Variants in CMSS1 observed in about 807,000 individuals in gnomAD.
The protein encoded by CMSS1 is cms1 ribosomal small subunit homolog.
Under a neutral mutation model 43.5 loss-of-function variants are expected in CMSS1, and 33 were observed. The observed-to-expected ratio is 0.76, with a 90% CI of 0.57 to 1.01. The LOEUF (loss-of-function observed/expected upper bound fraction) is 1.01. Among genes scored for constraint, CMSS1 ranks in the 50% least tolerant of loss-of-function variants. The probability of loss-of-function intolerance (pLI) is 0.00; values close to 1 mark genes in which losing one functional copy is unlikely to be tolerated. For missense variants in CMSS1, 313 were observed against 326.4 expected (o/e 0.96, Z 0.32); for synonymous variants, 115 against 117.2 (o/e 0.98, Z 0.12).
chr3:100,034,564 T>C (rs978096580), intron 1 of CMSS1, among the ~76,000 whole-genome samples: 9 of 152,212 alleles, frequency 5.9e-5, no homozygotes, highest in African/African-American at 1.9e-4. Flanking sequence ...TCAAATCCCA[T>C]CTGAATTGGC....
chr3:100,148,676 C>T (rs919155768), intron 2 of CMSS1, among the ~76,000 whole-genome samples: 1 of 152,160 alleles, frequency 6.6e-6, no homozygotes, highest in African/African-American at 2.4e-5. Context: ...TTAAATAAGA[C>T]TGTGCTTGAT....
Position 100,122,977 on chromosome 3 carries a change from A to G in CMSS1, c.65-23996A>G, listed in dbSNP as rs563732596. 2.0e-3 allele frequency among the ~76,000 whole-genome samples: 305 copies of G among 152,352 alleles called. 1 individual carries two copies. The highest frequency in any genetic ancestry group is 6.9e-3 in the African/African-American group (285 of 41,574). ...TTCAACAGTTATTTATTACATGTCC[A>G]CTATGTCCAGGCATATCTTGAATAC... On this transcript the variant is annotated intron_variant, in intron 1 of 9. Coordinates refer to ENST00000421999, the MANE Select transcript of CMSS1 (RefSeq NM_032359.4).
At chr3:99,954,891 T>C (rs1378230692) in intron 1 of CMSS1, among the ~76,000 whole-genome samples, 5 of 151,834 alleles carry the variant, frequency 3.3e-5, no homozygotes, top group African/African-American at 1.2e-4. Flanking sequence ...AATGAAATAA[T>C]TGAAGTGCTA....
intron 1 of CMSS1, among the ~76,000 whole-genome samples, chr3:100,091,284 CAAAAAAA>C (rs570908389): frequency 0.037 from 2,207 of 59,092 alleles, 34 homozygotes; most frequent in South Asian, 0.069. Context: ...GACTCCGTCT[CAAAAAAA>C]AAAAAAAAAA....
chr3:100,153,943 T>C (rs1225591885), intron 2 of CMSS1, among the ~76,000 whole-genome samples: 1 of 151,942 alleles, frequency 6.6e-6, no homozygotes, highest in Non-Finnish European at 1.5e-5. Flanking sequence ...CTCTGCCTCC[T>C]GAATTCAAGC....
chr3:99,970,109 A>G (rs1249174866), intron 1 of CMSS1, among the ~76,000 whole-genome samples: 1 of 152,242 alleles, frequency 6.6e-6, no homozygotes, highest in African/African-American at 2.4e-5. Context: ...TAGTAATTTC[A>G]TATGGTTCAA....
At chr3:100,034,525 C>T (rs993169955) in intron 1 of CMSS1, among the ~76,000 whole-genome samples, 1 of 152,148 alleles carries the variant, frequency 6.6e-6, no homozygotes, top group Non-Finnish European at 1.5e-5. Context: ...TTTGTGTTGC[C>T]TAAATAATAG....
chr3:99,854,205 G>T lies in CMSS1; in HGVS notation c.64+36162G>T, dbSNP rs570826670. Among the ~76,000 whole-genome samples the T allele has an allele frequency of 9.8e-5, 15 of 152,288 alleles. No homozygotes were observed. In the South Asian group the frequency reaches 2.7e-3, roughly 27 times the overall value. On this transcript the variant is annotated intron_variant, in intron 1 of 9. Transcript: ENST00000421999. Reference sequence around the variant, plus strand: ...GTGTGGAGTTGAGCCTCCTAAGCCTGCTTCCTACTTTGAGTAGGAATGGAT... The same window carrying T: ...GTGTGGAGTTGAGCCTCCTAAGCCTTCTTCCTACTTTGAGTAGGAATGGAT...
At chr3:100,037,994 C>T (rs1393264157) in intron 1 of CMSS1, among the ~76,000 whole-genome samples, 7 of 140,694 alleles carry the variant, frequency 5.0e-5, no homozygotes, top group African/African-American at 8.0e-5. Flanking sequence ...CTCGCTCTGT[C>T]GCCCAGGTGG....
At chr3:100,015,399 C>A (rs537379894) in intron 1 of CMSS1, among the ~76,000 whole-genome samples, 1 of 152,036 alleles carries the variant, frequency 6.6e-6, no homozygotes, top group Non-Finnish European at 1.5e-5. Flanking sequence ...TTTAGGATTG[C>A]TTTTTCTATT....
At chr3:99,915,626 G>A (rs1706927049) in intron 1 of CMSS1, among the ~76,000 whole-genome samples, 1 of 151,488 alleles carries the variant, frequency 6.6e-6, no homozygotes, top group South Asian at 2.1e-4. Flanking sequence ...GAGTCTTAAT[G>A]GTTTAAAAAA....
At chr3:99,982,933 A>C (rs935680403) in intron 1 of CMSS1, among the ~76,000 whole-genome samples, 1 of 152,188 alleles carries the variant, frequency 6.6e-6, no homozygotes, top group Non-Finnish European at 1.5e-5. Context: ...TGTTACATCA[A>C]AGTAATACAT....
chr3:99,987,078 A>G (rs1389235546), intron 1 of CMSS1, among the ~76,000 whole-genome samples: 2 of 151,914 alleles, frequency 1.3e-5, no homozygotes, highest in African/African-American at 4.8e-5. Context: ...AAAAATACAA[A>G]AATTAGCCAA....
intron 1 of CMSS1, among the ~76,000 whole-genome samples, chr3:99,854,055 T>C (rs1943837858): frequency 6.6e-6 from 1 of 152,140 alleles, no homozygotes; most frequent in Admixed American, 6.5e-5. Context: ...TTGAAGGAAT[T>C]AGCACTTCTG....
At chr3:99,888,360 C>T (rs1275176697) in intron 1 of CMSS1, among the ~76,000 whole-genome samples, 1 of 151,542 alleles carries the variant, frequency 6.6e-6, no homozygotes, top group Non-Finnish European at 1.5e-5. Context: ...AGTGAGACTC[C>T]ATAGCTTAAA....
intron 1 of CMSS1, among the ~76,000 whole-genome samples, chr3:99,826,208 A>G (rs1297925794): frequency 6.6e-6 from 1 of 152,208 alleles, no homozygotes; most frequent in Non-Finnish European, 1.5e-5. Context: ...ATCAGCTTTC[A>G]TAGAATTCTT....
intron 1 of CMSS1, chr3:100,114,455 G>T (rs1200513917): frequency 6.5e-6 from 1 of 154,240 alleles, no homozygotes. Flanking sequence ...TCTGCGCAGA[G>T]CAGACAAGTA....
intron 1 of CMSS1, chr3:100,040,995 C>A (rs1013544822): frequency 6.6e-6 from 1 of 152,166 alleles, no homozygotes; most frequent in African/African-American, 2.4e-5. Flanking sequence ...AAAAATCTGT[C>A]CTGAAGTATG....
At chr3:99,871,837 C>A (rs1335905393) in intron 1 of CMSS1, among the ~76,000 whole-genome samples, 1 of 152,160 alleles carries the variant, frequency 6.6e-6, no homozygotes, top group East Asian at 1.9e-4. Flanking sequence ...GCCGGAGGAC[C>A]TTTAAATACA....
Sources: gnomAD v4.1 joint callset for allele counts (sites outside exome capture counted in the v4.1 genomes callset) on GRCh38, gnomAD v4.1.1 for gene constraint, MANE v1.5 for transcripts, NCBI Gene and HGNC (gene_info 2026-07-23, HGNC 2026-07-21) for gene names.